The following TSPAN18 variants were observed in gnomAD, a reference collection of about 807,000 sequenced individuals.
TSPAN18 encodes the protein tetraspanin-18.
A neutral mutation model predicts 27.3 loss-of-function variants in TSPAN18; 14 were observed. The observed-to-expected ratio is 0.51, with a 90% CI of 0.34 to 0.80. The LOEUF (loss-of-function observed/expected upper bound fraction) is 0.80, where lower values mean the gene tolerates loss of function less well. Ranked by LOEUF, TSPAN18 falls within the 30% of genes least tolerant of loss-of-function variation. TSPAN18 has a pLI of 0.01. For synonymous variants in TSPAN18, 143 were observed against 136.5 expected, an observed-to-expected ratio of 1.05 and a Z score of -0.33; for missense variants, 268 against 323.9, an observed-to-expected ratio of 0.83 and a Z score of 1.32.
At chr11:44,898,432 C>T (rs977463265) in intron 3 of TSPAN18, among the ~76,000 whole-genome samples, 1 of 152,262 alleles carries the variant, frequency 6.6e-6, no homozygotes, top group African/African-American at 2.4e-5. Context: ...TAAGTCAGCA[C>T]TTACACAAAC....
chr11:44,894,809 G>T (rs1324433900), intron 3 of TSPAN18, among the ~76,000 whole-genome samples: 1 of 152,234 alleles, frequency 6.6e-6, no homozygotes. Context: ...GCCTGGTTCA[G>T]GGAAGAGCAG....
chr11:44,921,626 C>T (rs180749708), intron 8 of TSPAN18, among the ~76,000 whole-genome samples: 5 of 152,260 alleles, frequency 3.3e-5, no homozygotes, highest in Admixed American at 2.6e-4. Flanking sequence ...GATGGCAGAG[C>T]ATCCAGAGAG....
chr11:44,826,933 C>T (rs1289732300), intron 2 of TSPAN18, among the ~76,000 whole-genome samples: 1 of 152,194 alleles, frequency 6.6e-6, no homozygotes. Context: ...GCCCAGCTTA[C>T]CATAGTCTTA....
At chr11:44,781,402 T>C (rs999400407) in intron 2 of TSPAN18, among the ~76,000 whole-genome samples, 2 of 152,164 alleles carry the variant, frequency 1.3e-5, no homozygotes, top group African/African-American at 4.8e-5. Context: ...ACAACCTTAA[T>C]TGGTCATTGG....
chr11:44,820,175 C>T lies in TSPAN18; in HGVS notation c.-152-40153C>T, dbSNP rs191807283. Among the ~76,000 whole-genome samples the T allele has an allele frequency of 2.0e-5, 3 of 152,364 alleles. No individual in the cohort carries two copies. The East Asian group carries it at 5.8e-4, about 29-fold the overall frequency. The stretch of plus-strand genomic sequence containing the variant: ...TGCTTTGACTAGCGTGTTCTACTCA[C>T]TCATGATAACCTTGACCCAACTGGT... On this transcript the variant is annotated intron_variant, in intron 2 of 9. Coordinates refer to ENST00000520358, the MANE Select transcript of TSPAN18 (RefSeq NM_130783.5).
chr11:44,821,879 G>T (rs925015712), intron 2 of TSPAN18, among the ~76,000 whole-genome samples: 4 of 152,212 alleles, frequency 2.6e-5, no homozygotes, highest in Non-Finnish European at 5.9e-5. Context: ...GCTCCTGAAA[G>T]GTGGGGCCAT....
intron 1 of TSPAN18, among the ~76,000 whole-genome samples, chr11:44,762,442 C>T (rs114413977): frequency 5.6e-4 from 85 of 152,288 alleles, no homozygotes; most frequent in African/African-American, 1.9e-3. Context: ...CATGCATACA[C>T]GTATTTGATT....
At chr11:44,774,216 C>T (rs1855753341) in intron 2 of TSPAN18, among the ~76,000 whole-genome samples, 1 of 152,200 alleles carries the variant, frequency 6.6e-6, no homozygotes, top group South Asian at 2.1e-4. Context: ...AGGAACAGAA[C>T]ATCTGTTTAA....
At chr11:44,882,743 A>G (rs1229859941) in intron 3 of TSPAN18, among the ~76,000 whole-genome samples, 6 of 151,906 alleles carry the variant, frequency 3.9e-5, no homozygotes, top group South Asian at 4.2e-4. Context: ...GGCACATGGG[A>G]CTCAAGGCCA....
chr11:44,863,176 A>G (rs1857942320), intron 3 of TSPAN18, among the ~76,000 whole-genome samples: 1 of 152,152 alleles, frequency 6.6e-6, no homozygotes, highest in Non-Finnish European at 1.5e-5. Flanking sequence ...AAATCAGGGG[A>G]TGCAAGGCCT....
chr11:44,737,131 A>G (rs1464833056), intron 1 of TSPAN18, among the ~76,000 whole-genome samples: 1 of 152,186 alleles, frequency 6.6e-6, no homozygotes, highest in Non-Finnish European at 1.5e-5. Flanking sequence ...CCTCCTTGCT[A>G]TGTACCAAGG....
intron 9 of TSPAN18, 54 bp downstream of exon 9, chr11:44,926,811 C>G: frequency 2.5e-6 from 4 of 1,579,954 alleles, no homozygotes; most frequent in Non-Finnish European, 3.5e-6. Context: ...TCACGTGGAG[C>G]CTAGGCAGAT....
chr11:44,792,443 G>A (rs1276684241), intron 2 of TSPAN18, among the ~76,000 whole-genome samples: 1 of 152,218 alleles, frequency 6.6e-6, no homozygotes, highest in Non-Finnish European at 1.5e-5. Context: ...GGCCAGGGAA[G>A]GTCATGAGGG....
At chr11:44,742,723 C>T (rs980502330) in intron 1 of TSPAN18, among the ~76,000 whole-genome samples, 1 of 152,332 alleles carries the variant, frequency 6.6e-6, no homozygotes, top group Middle Eastern at 3.4e-3. Flanking sequence ...GCCCCTGCCC[C>T]CAGCGTGCTG....
chr11:44,821,453 G>A (rs1856927119), intron 2 of TSPAN18, among the ~76,000 whole-genome samples: 1 of 152,146 alleles, frequency 6.6e-6, no homozygotes, highest in South Asian at 2.1e-4. Flanking sequence ...ACCTGCGATT[G>A]TTCTGTTTCT....
intron 2 of TSPAN18, among the ~76,000 whole-genome samples, chr11:44,850,479 C>T (rs960795329): frequency 2.0e-5 from 3 of 152,192 alleles, no homozygotes; most frequent in African/African-American, 7.2e-5. Flanking sequence ...CGGAGGATGG[C>T]ACAGAGGGGT....
At chr11:44,736,017 G>A (rs1461250701) in intron 1 of TSPAN18, among the ~76,000 whole-genome samples, 2 of 152,204 alleles carry the variant, frequency 1.3e-5, no homozygotes, top group Non-Finnish European at 2.9e-5. Flanking sequence ...ACCCATAGAG[G>A]TGGTAGTATC....
chr11:44,863,913 A>G (rs980839211), intron 3 of TSPAN18, among the ~76,000 whole-genome samples: 23 of 152,156 alleles, frequency 1.5e-4, no homozygotes, highest in Admixed American at 1.5e-3. Flanking sequence ...TGGTGTTGTT[A>G]TTATTTATAT....
chr11:44,806,193 C>A (rs1856590736), intron 2 of TSPAN18, among the ~76,000 whole-genome samples: 1 of 152,070 alleles, frequency 6.6e-6, no homozygotes, highest in Non-Finnish European at 1.5e-5. Context: ...TGCCACCACA[C>A]CCAGCTAATA....
Sources: allele counts gnomAD v4.1 joint callset (sites outside exome capture counted in the v4.1 genomes callset), GRCh38; gene constraint gnomAD v4.1.1; transcripts MANE v1.5; gene names NCBI Gene and HGNC (gene_info 2026-07-23, HGNC 2026-07-21).